The following FAAH2 variants were observed in gnomAD, a reference collection of about 807,000 sequenced individuals.
The protein encoded by FAAH2 is fatty acid amide hydrolase 2, also known as fatty-acid amide hydrolase 2.
In FAAH2, 60 loss-of-function variants were observed where a neutral mutation model predicts 36.9. The observed-to-expected ratio is 1.63, with a 90% CI of 1.32 to 2.02. The LOEUF is 2.02. FAAH2 is among the 30% of genes most tolerant of loss of function. The pLI, the probability that FAAH2 is intolerant of heterozygous loss-of-function variation, is 0.00. For synonymous variants in FAAH2, 214 were observed against 143.8 expected (o/e 1.49, Z -3.49); for missense variants, 689 against 397.5 (o/e 1.73, Z -6.23).
At chrX:57,329,200 G>A (rs991955361) in intron 3 of FAAH2, among the ~76,000 whole-genome samples, 1 of 112,118 alleles carries the variant, frequency 8.9e-6, no homozygotes, top group Non-Finnish European at 1.9e-5. Context: ...GCCTTTTGTG[G>A]GCCAGTAGGT....
chrX:57,273,796 C>A, the FAAH2 span, among the ~76,000 whole-genome samples: 1 of 111,532 alleles, frequency 9.0e-6, no homozygotes, highest in African/African-American at 3.3e-5. Flanking sequence ...TAAATGCACA[C>A]AAGAGAAAGC....
chrX:57,152,040 A>G, the FAAH2 span, among the ~76,000 whole-genome samples: 1 of 111,982 alleles, frequency 8.9e-6, no homozygotes, highest in Non-Finnish European at 1.9e-5. Flanking sequence ...TTGCCTGGGT[A>G]TCAGCAGCAG....
intron 10 of FAAH2, among the ~76,000 whole-genome samples, chrX:57,454,844 A>G (rs2056840491): frequency 1.8e-5 from 2 of 112,204 alleles, no homozygotes; most frequent in African/African-American, 6.5e-5. Flanking sequence ...TGTTTTCAAA[A>G]GAAAAGGAGA....
rs764610239 is a variant in FAAH2 at position 57,293,619 on chromosome X, T to C, written c.275+1039T>C. On this transcript the variant is annotated intron_variant, in intron 2 of 10. Coordinates refer to ENST00000374900, the MANE Select transcript of FAAH2 (RefSeq NM_174912.4). ...TTTTACCTGAAATGTAATTTGGGGG[T>C]ACTTTTGGGGCAGAGTGTATCTTTA... 2.7e-5 allele frequency among the ~76,000 whole-genome samples: 3 copies of C among 111,932 alleles called. No homozygotes were observed. In the East Asian group the frequency reaches 8.4e-4, roughly 31 times the overall value.
chrX:57,425,489 G>A (rs547944659), intron 7 of FAAH2, among the ~76,000 whole-genome samples: 1 of 111,449 alleles, frequency 9.0e-6, no homozygotes, highest in South Asian at 3.7e-4. Context: ...CACCTATAAA[G>A]GAAAGCCCAT....
chrX:57,328,096 G>T (rs1183024621), intron 3 of FAAH2, among the ~76,000 whole-genome samples: 2 of 112,123 alleles, frequency 1.8e-5, no homozygotes. Flanking sequence ...GAGTTTGCTG[G>T]AGGTCCCCTG....
At chrX:57,260,426 A>T in the FAAH2 span, among the ~76,000 whole-genome samples, 2 of 112,270 alleles carry the variant, frequency 1.8e-5, no homozygotes, top group African/African-American at 6.5e-5. Context: ...ACTTGAACTG[A>T]GTTATTGAGC....
chrX:57,213,516 G>A, the FAAH2 span, among the ~76,000 whole-genome samples: 1 of 110,825 alleles, frequency 9.0e-6, no homozygotes, highest in African/African-American at 3.3e-5. Context: ...CAGAATTTTT[G>A]GTATTTTGTG....
intron 5 of FAAH2, among the ~76,000 whole-genome samples, chrX:57,366,430 G>A (rs2054416914): frequency 1.8e-5 from 2 of 112,225 alleles, no homozygotes; most frequent in South Asian, 7.4e-4. Context: ...AGGGGCCAAT[G>A]TGTTCCCAGC....
the FAAH2 span, among the ~76,000 whole-genome samples, chrX:57,209,251 T>G: frequency 8.9e-6 from 1 of 111,991 alleles, no homozygotes; most frequent in African/African-American, 3.3e-5. Flanking sequence ...GAACAGAGTC[T>G]TGGCTCCATG....
At chrX:57,194,342 T>A in the FAAH2 span, among the ~76,000 whole-genome samples, 4 of 111,580 alleles carry the variant, frequency 3.6e-5, no homozygotes, top group African/African-American at 1.3e-4. Context: ...CATGATCCTT[T>A]ATATTTCTGC....
At chrX:57,248,544 G>A in the FAAH2 span, among the ~76,000 whole-genome samples, 1 of 109,854 alleles carries the variant, frequency 9.1e-6, no homozygotes, top group African/African-American at 3.3e-5. Context: ...ACCTGAGGTC[G>A]GGAGTTTGAG....
chrX:57,426,549 A>G (rs1368165669), intron 7 of FAAH2, among the ~76,000 whole-genome samples: 5 of 112,041 alleles, frequency 4.5e-5, no homozygotes, highest in Non-Finnish European at 7.5e-5. Context: ...TATAAAAAAT[A>G]TCTTTTCAGA....
At chrX:57,292,440 T>C in intron 1 of FAAH2, 58 bp from the exon 2 acceptor site, 1 of 1,031,035 alleles carries the variant, frequency 9.7e-7, no homozygotes, top group Non-Finnish European at 1.3e-6. Flanking sequence ...AGGAAATACT[T>C]GTTGAATGAA....
chrX:57,355,962 T>C (rs1296926902), intron 5 of FAAH2, among the ~76,000 whole-genome samples: 2 of 111,366 alleles, frequency 1.8e-5, no homozygotes, highest in Non-Finnish European at 3.8e-5. Context: ...TTATTGTCTA[T>C]TCTTTATTTG....
the FAAH2 span, among the ~76,000 whole-genome samples, chrX:57,229,585 G>A: frequency 2.9e-4 from 33 of 111,891 alleles, no homozygotes; most frequent in African/African-American, 1.1e-3. Flanking sequence ...GAGAAACAAA[G>A]GGATCAATAG....
chrX:57,334,122 T>C (rs1490729348), intron 4 of FAAH2, among the ~76,000 whole-genome samples: 1 of 109,970 alleles, frequency 9.1e-6, no homozygotes, highest in Non-Finnish European at 1.9e-5. Flanking sequence ...ATACAAAAAT[T>C]AGCCAGGCCT....
chrX:57,468,819 A>G (rs2057101419), intron 10 of FAAH2, among the ~76,000 whole-genome samples: 1 of 111,781 alleles, frequency 8.9e-6, no homozygotes, highest in African/African-American at 3.3e-5. Context: ...TGTTGAAATG[A>G]AGGAAAAAAT....
chrX:57,270,575 G>C, the FAAH2 span, among the ~76,000 whole-genome samples: 1 of 111,797 alleles, frequency 8.9e-6, no homozygotes, highest in African/African-American at 3.2e-5. Flanking sequence ...CCTGTGTGCA[G>C]TTCCCAGCGA....
Sources: gnomAD v4.1 joint callset for allele counts (sites outside exome capture counted in the v4.1 genomes callset) on GRCh38, gnomAD v4.1.1 for gene constraint, MANE v1.5 for transcripts, NCBI Gene and HGNC (gene_info 2026-07-23, HGNC 2026-07-21) for gene names.